PHLDB2: variants seen among roughly 807,000 people sequenced by gnomAD.
The protein encoded by PHLDB2 is pleckstrin homology-like domain family B member 2.
Under a neutral mutation model 123.6 loss-of-function variants are expected in PHLDB2, and 71 were observed. The observed-to-expected ratio is 0.57, with a 90% CI of 0.47 to 0.70. The LOEUF (loss-of-function observed/expected upper bound fraction) is 0.70, where lower values mean the gene tolerates loss of function less well. Among genes scored for constraint, PHLDB2 ranks in the 30% least tolerant of loss-of-function variants. PHLDB2 has a pLI of 0.00. For missense variants in PHLDB2, 1,446 were observed against 1,519.5 expected, an observed-to-expected ratio of 0.95 and a Z score of 0.80; for synonymous variants, 547 against 541.6, an observed-to-expected ratio of 1.01 and a Z score of -0.14.
At chr3:111,831,017 G>GAAAGA (rs1553736483) in intron 1 of PHLDB2, among the ~76,000 whole-genome samples, 14 of 109,768 alleles carry the variant, frequency 1.3e-4, no homozygotes, top group Middle Eastern at 4.1e-3. Flanking sequence ...AAGAAAGAAA[G>GAAAGA]AAAGAAAGAA....
chr3:111,867,090 T>G (rs1223971335), intron 1 of PHLDB2, among the ~76,000 whole-genome samples: 1 of 152,160 alleles, frequency 6.6e-6, no homozygotes, highest in Non-Finnish European at 1.5e-5. Context: ...AACGTTATCT[T>G]GCAAATATCT....
At position 111,801,488 on chromosome 3, in the gene PHLDB2, G is replaced by T. The variant is rs191961405; in HGVS notation, c.-48-44333G>T. Among the ~76,000 whole-genome samples, 16 of 152,244 alleles carry T rather than the reference G, an allele frequency of 1.1e-4. No homozygotes were observed. The East Asian group carries it at 3.1e-3, about 29-fold the overall frequency. Reference sequence around the variant, plus strand: ...ATCTCATATTTATCTTTATATAATAGTTAATAAATTTGTGCCTTTATTCAT... The same window carrying T: ...ATCTCATATTTATCTTTATATAATATTTAATAAATTTGTGCCTTTATTCAT... On this transcript the variant is annotated intron_variant, in intron 1 of 17. Transcript: ENST00000393923.
chr3:111,826,188 A>G lies in PHLDB2; in HGVS notation c.-48-19633A>G, dbSNP rs142908980. ...GCTAGGCATGGTGGCACGTGTTTGT[A>G]TTCTCAGCTACTAGGGAGGCTGAGG... On this transcript the variant is annotated intron_variant, in intron 1 of 17. Coordinates refer to the PHLDB2 transcript ENST00000393923. 5.6e-4 allele frequency among the ~76,000 whole-genome samples: 85 copies of G among 152,188 alleles called. 1 individual carries two copies. Among genetic ancestry groups the G allele is most frequent in the African/African-American group, 1.9e-3 (79 of 41,528 alleles).
intron 9 of PHLDB2, among the ~76,000 whole-genome samples, chr3:111,945,769 C>T (rs933547886): frequency 2.0e-5 from 3 of 152,214 alleles, no homozygotes; most frequent in African/African-American, 7.2e-5. Context: ...ATGAAAATGC[C>T]TGCAAACATT....
Position 111,913,497 on chromosome 3 carries a change from G to C in PHLDB2, c.1514G>C (p.Arg505Thr), listed in dbSNP as rs149490958. The C allele has an allele frequency of 6.2e-7, 1 of 1,614,138 alleles. No individual in the cohort carries two copies. The highest frequency in any genetic ancestry group is 8.5e-7 in the Non-Finnish European group (1 of 1,180,012). ...FEEALMSPDTRYRCHRKDSLP... is the reference protein window; with the variant it reads ...FEEALMSPDTTYRCHRKDSLP... The stretch of plus-strand genomic sequence containing the variant: ...GAAGCCCTCATGAGCCCTGACACAA[G>C]ATACAGGTGCCACCGGAAAGACTCC... Residue 505 changes from arginine (R) to threonine (T), a missense_variant, in exon 3 of 18, where the codon AGA becomes ACA. Coordinates refer to ENST00000431670, the MANE Select transcript of PHLDB2 (RefSeq NM_001134438.2).
chr3:111,744,981 C>G (rs2059659872), intron 1 of PHLDB2, among the ~76,000 whole-genome samples: 1 of 152,152 alleles, frequency 6.6e-6, no homozygotes, highest in Non-Finnish European at 1.5e-5. Flanking sequence ...AAACTAGCTC[C>G]ATGGCTTTTG....
At chr3:111,766,050 C>G (rs572235714) in intron 1 of PHLDB2, among the ~76,000 whole-genome samples, 10 of 152,292 alleles carry the variant, frequency 6.6e-5, no homozygotes, top group Non-Finnish European at 1.3e-4. Context: ...TTTCTTACAG[C>G]TTTGTTGTAT....
At chr3:111,871,435 C>T (rs7638138) in intron 1 of PHLDB2, among the ~76,000 whole-genome samples, 88,642 of 151,780 alleles carry the variant, frequency 0.58, 27,400 homozygotes, top group Middle Eastern at 0.78. Context: ...ATTACTTGAG[C>T]CCAGGAGTTT....
At chr3:111,813,786 T>C (rs978843593) in intron 1 of PHLDB2, among the ~76,000 whole-genome samples, 5 of 152,198 alleles carry the variant, frequency 3.3e-5, no homozygotes, top group African/African-American at 4.8e-5. Flanking sequence ...ATACAATTCA[T>C]TGTGTGATAT....
intron 1 of PHLDB2, among the ~76,000 whole-genome samples, chr3:111,789,205 A>G (rs1361352733): frequency 1.3e-5 from 2 of 152,232 alleles, no homozygotes; most frequent in African/African-American, 2.4e-5. Flanking sequence ...CCTGTTGCTC[A>G]AGGTTCTATC....
intron 1 of PHLDB2, among the ~76,000 whole-genome samples, chr3:111,842,013 T>G (rs1258754124): frequency 6.6e-6 from 1 of 152,216 alleles, no homozygotes; most frequent in African/African-American, 2.4e-5. Context: ...TTCCTATCTT[T>G]CTTACTATTG....
rs145670054 is a variant in PHLDB2 at position 111,936,283 on chromosome 3, A to G, written c.2131-3192A>G. On this transcript the variant is annotated intron_variant, in intron 6 of 17. Coordinates refer to ENST00000431670, the MANE Select transcript of PHLDB2 (RefSeq NM_001134438.2). Reference sequence around the variant, plus strand: ...CCTTTGAGCTTGCCATCCAGTAGAGATATGTAATGCTCTTTTAGTGAGTGA... The same window carrying G: ...CCTTTGAGCTTGCCATCCAGTAGAGGTATGTAATGCTCTTTTAGTGAGTGA... Among the ~76,000 whole-genome samples, 12 of 152,292 alleles carry G rather than the reference A, an allele frequency of 7.9e-5. No homozygotes were observed. The East Asian group carries it at 1.7e-3, about 22-fold the overall frequency.
intron 1 of PHLDB2, among the ~76,000 whole-genome samples, chr3:111,750,284 AT>A (rs1237337981): frequency 6.6e-6 from 1 of 152,278 alleles, no homozygotes; most frequent in African/African-American, 2.4e-5. Flanking sequence ...AAATGAAGAA[AT>A]GTAGAAAGAA....
At position 111,962,098 on chromosome 3, in the gene PHLDB2, C is replaced by T; in HGVS notation, c.2873-10C>T. The T allele has an allele frequency of 6.4e-7, 1 of 1,573,496 alleles. No homozygotes were observed. The highest frequency in any genetic ancestry group is 1.2e-5 in the South Asian group (1 of 82,782). ...GAGGCAAACTAACATATTTATGGCTCCTTCCTTAGGTTATAATCACCAACA... is the reference window on the plus strand; with the variant it reads ...GAGGCAAACTAACATATTTATGGCTTCTTCCTTAGGTTATAATCACCAACA... On this transcript the variant is annotated splice_polypyrimidine_tract_variant and intron_variant, in intron 12 of 17. Coordinates refer to ENST00000431670, the MANE Select transcript of PHLDB2 (RefSeq NM_001134438.2).
chr3:111,965,714 G>T (rs1201702694), intron 13 of PHLDB2, among the ~76,000 whole-genome samples: 1 of 152,146 alleles, frequency 6.6e-6, no homozygotes, highest in East Asian at 1.9e-4. Flanking sequence ...ATTACAAATA[G>T]CATATGGTTT....
intron 1 of PHLDB2, among the ~76,000 whole-genome samples, chr3:111,831,010 AAAGAAAGAAAGAAAGAAAGAAAGG>A (rs1255692622): frequency 3.6e-4 from 40 of 111,124 alleles, no homozygotes; most frequent in African/African-American, 1.6e-3. Flanking sequence ...AGAAAGAAAG[AAAGAAAGAAAGAAAGAAAGAAAGG>A]AAGGAAGGAA....
intron 2 of PHLDB2, among the ~76,000 whole-genome samples, chr3:111,911,970 A>G (rs1282950): frequency 8.5e-5 from 13 of 152,266 alleles, no homozygotes; most frequent in African/African-American, 3.1e-4. Flanking sequence ...GTTTGTCTTT[A>G]CAAATTAGCT....
intron 1 of PHLDB2, among the ~76,000 whole-genome samples, chr3:111,842,957 T>G (rs2063758796): frequency 6.6e-6 from 1 of 152,274 alleles, no homozygotes; most frequent in African/African-American, 2.4e-5. Context: ...TATTGCTGAA[T>G]AATATTCCAT....
chr3:111,765,161 C>G (rs889827331), intron 1 of PHLDB2, among the ~76,000 whole-genome samples: 10 of 152,300 alleles, frequency 6.6e-5, no homozygotes, highest in South Asian at 2.1e-4. Context: ...ACACTCTTAA[C>G]CCTTGGCTCA....
Sources: gnomAD v4.1 joint callset for allele counts (sites outside exome capture counted in the v4.1 genomes callset) on GRCh38, gnomAD v4.1.1 for gene constraint, MANE v1.5 for transcripts, NCBI Gene and HGNC (gene_info 2026-07-23, HGNC 2026-07-21) for gene names.